Variants in GYS1 observed in about 807,000 individuals in gnomAD.
GYS1 encodes the protein glycogen [starch] synthase, muscle.
A neutral mutation model predicts 89.1 loss-of-function variants in GYS1; 60 were observed. That is an observed-to-expected ratio of 0.67 (90% CI 0.55 to 0.84). The LOEUF (loss-of-function observed/expected upper bound fraction) is 0.84. GYS1 is among the 40% of genes least tolerant of loss of function. The probability of loss-of-function intolerance (pLI) is 0.00; values close to 1 mark genes in which losing one functional copy is unlikely to be tolerated. For missense variants in GYS1, 888 were observed against 1,003.1 expected, an observed-to-expected ratio of 0.89 and a Z score of 1.55; for synonymous variants, 366 against 401.7, an observed-to-expected ratio of 0.91 and a Z score of 1.06.
chr19:48,970,579 G>A lies in GYS1; in HGVS notation c.1776C>T (p.Leu592=). 6.2e-7 allele frequency: 1 copy of A among 1,613,900 alleles called. No homozygotes were observed. The highest frequency in any genetic ancestry group is 8.5e-7 in the Non-Finnish European group (1 of 1,179,900). ...GGTATTTCCAGTCCAGAAGGTCGGA[G>A]AGGCGCTCCGTGCGGTTCCGCTGGA... is the stretch of plus-strand genomic sequence containing the variant. ...RIIQRNRTER[L]SDLLDWKYLG... is the part of the protein sequence containing the mutation. Residue 592 remains leucine, a synonymous_variant, in exon 14 of 16, where the codon CTC becomes CTT. Coordinates refer to ENST00000323798, the MANE Select transcript of GYS1 (RefSeq NM_002103.5).
intron 2 of GYS1, among the ~76,000 whole-genome samples, chr19:48,990,092 C>T (rs62125992): frequency 1.3e-5 from 2 of 150,114 alleles, no homozygotes; most frequent in African/African-American, 2.5e-5. Flanking sequence ...CTTAGGGACA[C>T]AGTCGGACCT....
chr19:48,970,621 G>A lies in GYS1; in HGVS notation c.1734C>T (p.Ser578=). 1 of 1,613,956 alleles carries A rather than the reference G, an allele frequency of 6.2e-7. No homozygotes were observed. The highest frequency in any genetic ancestry group is 8.5e-7 in the Non-Finnish European group (1 of 1,179,928). Reference sequence around the variant, plus strand: ...TCCGCTGGATGATACGCTGCCGCCGGCTCTGCTGACAGAAACTGTAGAGGA... The same window carrying A: ...TCCGCTGGATGATACGCTGCCGCCGACTCTGCTGACAGAAACTGTAGAGGA... ...TSFLYSFCQQ[S]RRQRIIQRNR... is the part of the protein sequence containing the mutation. Residue 578 remains serine (S), a synonymous_variant, in exon 14 of 16, where the codon AGC becomes AGT. Transcript: ENST00000323798.
In GYS1 at chr19:48,991,348, G is replaced by A. The variant is rs140774115; in HGVS notation, c.254C>T (p.Pro85Leu). 219 of 1,613,920 alleles carry A rather than the reference G, an allele frequency of 1.4e-4. No homozygotes were observed. Among genetic ancestry groups the A allele is most frequent in the Admixed American group, 4.2e-4 (25 of 60,008 alleles). ...TQVELLEAPT[P>L]ALKRTLDSMN... Reference sequence around the variant, plus strand: ...GGAATCCAGTGTCCTCTTCAGGGCCGGGGTGGGGGCCTCCAGCAGTTCCAC... The same window carrying A: ...GGAATCCAGTGTCCTCTTCAGGGCCAGGGTGGGGGCCTCCAGCAGTTCCAC... The change falls in exon 2 of 16, where the codon CCG becomes CTG. Residue 85 changes from proline (P) to leucine (L), a missense_variant. By Grantham distance (98) the Pro-to-Leu change is moderately conservative (BLOSUM62 -3). Transcript: ENST00000323798. The surrounding 1 kb of genome is among the most constrained non-coding windows in gnomAD (Gnocchi z 4.7).
At chr19:48,990,275 T>C (rs2038907054) in intron 2 of GYS1, among the ~76,000 whole-genome samples, 1 of 149,476 alleles carries the variant, frequency 6.7e-6, no homozygotes, top group African/African-American at 2.4e-5. Context: ...ACAGCGTGTC[T>C]CTTTCCGTCT....
In GYS1 at chr19:48,974,970, G is replaced by A. The variant is rs183229690; in HGVS notation, c.1309-237C>T. Among the ~76,000 whole-genome samples, 106 of 152,068 alleles carry A rather than the reference G, an allele frequency of 7.0e-4. 1 individual carries two copies. Among genetic ancestry groups the A allele is most frequent in the African/African-American group, 2.5e-3 (102 of 41,454 alleles). ...TTTTGAGGCGGAGTCTCGCTCTGTC[G>A]CCCAGGCTGGAATGCAGTGGCACAA... On this transcript the variant is annotated intron_variant, in intron 10 of 15. Coordinates refer to ENST00000323798, the MANE Select transcript of GYS1 (RefSeq NM_002103.5).
intron 2 of GYS1, among the ~76,000 whole-genome samples, chr19:48,988,237 C>T (rs1264304149): frequency 6.6e-6 from 1 of 152,222 alleles, no homozygotes; most frequent in African/African-American, 2.4e-5. Context: ...ATTTCCCCTA[C>T]CTGCTGCCTT....
Position 48,969,436 on chromosome 19 carries a change from C to A in GYS1, c.2066G>T (p.Arg689Leu). 1 of 1,545,542 alleles carries A rather than the reference C, an allele frequency of 6.5e-7. No homozygotes were observed. Among genetic ancestry groups the A allele is most frequent in the Non-Finnish European group, 8.7e-7 (1 of 1,147,664 alleles). The change falls in exon 16 of 16, where the codon CGT becomes CTT. Residue 689 changes from arginine (R) to leucine (L), a missense_variant. Transcript: ENST00000323798. ...EEAAKDRRNI[R>L]APEWPRRASC... ...CGCTCGGCGCGGCCACTCTGGTGCA[C>A]GGATGTTGCGCCGGTCCTTGGCGGC...
At chr19:48,992,912 C>G (rs2038961490) in intron 1 of GYS1, 83 bp downstream of exon 1, 16 of 839,208 alleles carry the variant, frequency 1.9e-5, no homozygotes. Context: ...CCCTAGTAGC[C>G]CCGTCCTCCT....
At chr19:48,984,102 G>C (rs2122514315) in intron 5 of GYS1, among the ~76,000 whole-genome samples, 1 of 152,238 alleles carries the variant, frequency 6.6e-6, no homozygotes, top group South Asian at 2.1e-4. Flanking sequence ...GGGTTCAAGA[G>C]ATTCTCCTGC....
chr19:48,982,583 T>C (rs1323021444), intron 6 of GYS1, 137 bp downstream of exon 6: 1 of 869,784 alleles, frequency 1.1e-6, no homozygotes, highest in Non-Finnish European at 1.9e-6. Context: ...CGCTCAAGAA[T>C]TAAGGAGGCC....
At chr19:48,990,011 G>GA (rs1555800167) in intron 2 of GYS1, among the ~76,000 whole-genome samples, 1 of 150,670 alleles carries the variant, frequency 6.6e-6, no homozygotes, top group East Asian at 2.0e-4. Context: ...GGGGGGGGGG[G>GA]GGCTATTCTT....
At chr19:48,970,415 G>A (rs764708839) in intron 14 of GYS1, 131 bp downstream of exon 14, 2 of 776,276 alleles carry the variant, frequency 2.6e-6, no homozygotes, top group Admixed American at 4.2e-5. Context: ...CCACCATCGC[G>A]ATCGGCCTGG....
intron 2 of GYS1, among the ~76,000 whole-genome samples, chr19:48,990,010 G>GGA (rs1555800163): frequency 6.6e-6 from 1 of 150,584 alleles, no homozygotes; most frequent in African/African-American, 2.5e-5. Flanking sequence ...GGGGGGGGGG[G>GGA]GGGCTATTCT....
intron 3 of GYS1, 83 bp from the exon 4 acceptor site, chr19:48,986,118 G>C: frequency 7.8e-7 from 1 of 1,279,392 alleles, no homozygotes; most frequent in Non-Finnish European, 1.1e-6. Flanking sequence ...AAGGACTCGG[G>C]GAGAGGTCAA....
In GYS1 at chr19:48,971,086, T is replaced by C. The variant is rs1297047460; in HGVS notation, c.1550-63A>G. The C allele has an allele frequency of 6.1e-6, 7 of 1,139,508 alleles. No individual in the cohort carries two copies. In the Admixed American group the frequency reaches 6.8e-5, roughly 11 times the overall value. The allele number at this position is 1,139,508 out of a possible 1,614,324, so 70.6% of individuals were successfully genotyped here. On this transcript the variant is annotated intron_variant, in intron 12 of 15. Transcript: ENST00000323798. ...TCATCGCCTACCGTCTTAATCGCAA[T>C]AGACGCCTCAACACCGCCCTCTACT...
At position 48,970,692 on chromosome 19, in the gene GYS1, G is replaced by A. The variant is rs1219379538; in HGVS notation, c.1663C>T (p.Arg555Trp). The change falls in exon 14 of 16, where the codon CGG becomes TGG. Residue 555 changes from arginine to tryptophan, a missense_variant. Transcript: ENST00000323798. Reference protein sequence around the residue: ...PSAYGIYILDRRFRSLDDSCS... With the variant: ...PSAYGIYILDWRFRSLDDSCS... ...GAATCATCCAGGCTGCGGAACCGCC[G>A]GTCAAGAATGTAGATACCTGTGGAG... 2.5e-6 allele frequency: 4 copies of A among 1,613,892 alleles called. No individual in the cohort carries two copies. The highest frequency in any genetic ancestry group is 3.4e-6 in the Non-Finnish European group (4 of 1,179,976).
At position 48,973,646 on chromosome 19, in the gene GYS1, G is replaced by A. The variant is rs112307848; in HGVS notation, c.1549+567C>T. On this transcript the variant is annotated intron_variant, in intron 12 of 15. Transcript: ENST00000323798. ...GCAATTCTCTGCCTCAGCCTCCCAA[G>A]TAGCTGAGACTACAGGTGCGTACCA... is the stretch of plus-strand genomic sequence containing the variant. 6.9e-3 allele frequency among the ~76,000 whole-genome samples: 1,047 copies of A among 151,494 alleles called. 8 individuals carry two copies. Among genetic ancestry groups the A allele is most frequent in the African/African-American group, 0.024 (999 of 41,280 alleles).
chr19:48,975,397 C>T (rs960840545), intron 10 of GYS1, among the ~76,000 whole-genome samples: 3 of 151,262 alleles, frequency 2.0e-5, no homozygotes, highest in African/African-American at 7.3e-5. Context: ...CTTCCCTTAA[C>T]CACCATGAGC....
chr19:48,978,947 G>T (rs57693449), intron 8 of GYS1, among the ~76,000 whole-genome samples: 1 of 151,664 alleles, frequency 6.6e-6, no homozygotes, highest in Admixed American at 6.6e-5. Flanking sequence ...GAAGGCTTAG[G>T]ACCCACGTGC....
Sources: allele counts gnomAD v4.1 joint callset (sites outside exome capture counted in the v4.1 genomes callset), GRCh38; gene constraint gnomAD v4.1.1; non-coding constraint Gnocchi (gnomAD v3.1); transcripts MANE v1.5; gene names NCBI Gene and HGNC (gene_info 2026-07-23, HGNC 2026-07-21).